The following ADCY9 variants were observed in gnomAD, a reference collection of about 807,000 sequenced individuals.
ADCY9 encodes the protein adenylate cyclase 9.
In ADCY9, 50 loss-of-function variants were observed where a neutral mutation model predicts 101.5. The observed-to-expected ratio is 0.49, with a 90% CI of 0.39 to 0.62. ADCY9 has a LOEUF of 0.62. Among genes scored for constraint, ADCY9 ranks in the 20% least tolerant of loss-of-function variants. The pLI is 0.00. For synonymous variants in ADCY9, 905 were observed against 769.3 expected (o/e 1.18, Z -2.92); for missense variants, 1,662 against 1,800.4 (o/e 0.92, Z 1.39).
chr16:3,958,884 C>T (rs1193862048), downstream of ADCY9, among the ~76,000 whole-genome samples: 1 of 151,668 alleles, frequency 6.6e-6, no homozygotes, highest in East Asian at 2.0e-4. Flanking sequence ...CCATGTTGGC[C>T]AGGCTAGTCT....
rs529878977 is a variant in ADCY9 at position 3,964,962 on chromosome 16, C to T, written c.*813G>A. 4 of 152,368 alleles carry T rather than the reference C, an allele frequency of 2.6e-5. No individual in the cohort carries two copies. The highest frequency in any genetic ancestry group is 6.5e-5 in the Admixed American group (1 of 15,308). The allele number at this position is 152,368 out of a possible 1,614,324, so 9.4% of individuals were successfully genotyped here. On this transcript the variant is annotated 3_prime_UTR_variant, in exon 11 of 11. Coordinates refer to ENST00000294016, the MANE Select transcript of ADCY9 (RefSeq NM_001116.4). ...CCGATGAGTCAGCTTCCAGGACCAA[C>T]ACCTCCACTCCCGATGGGGAGACCC...
intron 10 of ADCY9, among the ~76,000 whole-genome samples, chr16:3,972,217 G>T (rs1396111296): frequency 6.8e-6 from 1 of 147,428 alleles, no homozygotes; most frequent in African/African-American, 2.5e-5. Flanking sequence ...TCAAAAAGAA[G>T]AATTTCTTTT....
At chr16:3,995,861 T>C (rs1003735698) in intron 3 of ADCY9, among the ~76,000 whole-genome samples, 8 of 152,184 alleles carry the variant, frequency 5.3e-5, no homozygotes, top group Admixed American at 3.9e-4. Flanking sequence ...AACATTTGTA[T>C]GCATTCAAAA....
intron 8 of ADCY9, among the ~76,000 whole-genome samples, chr16:3,978,651 C>T (rs1272081984): frequency 2.6e-5 from 4 of 152,234 alleles, no homozygotes; most frequent in African/African-American, 7.2e-5. Context: ...AATGCTAAGT[C>T]GGCTTCTAAA....
intron 5 of ADCY9, among the ~76,000 whole-genome samples, chr16:3,989,300 A>T (rs2056224416): frequency 6.6e-6 from 1 of 152,076 alleles, no homozygotes; most frequent in Admixed American, 6.6e-5. Context: ...AAGCATAATC[A>T]TATTTTGTGT....
chr16:3,983,300 C>T lies in ADCY9; in HGVS notation c.2451G>A (p.Pro817=), dbSNP rs140249512. The change falls in exon 7 of 11, where the codon CCG becomes CCA. Residue 817 remains proline (P), a synonymous_variant. Coordinates refer to ENST00000294016, the MANE Select transcript of ADCY9 (RefSeq NM_001116.4). ...LKYEAATVPP[P]PAALAVFSAA... ...CACTGAAGACCGCCAGGGCGGCGGG[C>T]GGGGGAGGCACGGTGGCCGCCTCGT... The T allele has an allele frequency of 2.6e-5, 41 of 1,562,920 alleles. No homozygotes were observed. The highest frequency in any genetic ancestry group is 3.3e-4 in the Middle Eastern group (2 of 6,018).
At chr16:4,083,042 C>T (rs78717972) in intron 2 of ADCY9, among the ~76,000 whole-genome samples, 143 of 152,296 alleles carry the variant, frequency 9.4e-4, no homozygotes, top group African/African-American at 3.3e-3. Context: ...GTGGCAAAGA[C>T]AGCAGAGAGC....
At chr16:3,980,784 T>C (rs1230668837) in intron 7 of ADCY9, among the ~76,000 whole-genome samples, 2 of 152,100 alleles carry the variant, frequency 1.3e-5, no homozygotes, top group African/African-American at 4.8e-5. Context: ...ACAGAGGCCC[T>C]AGGAGGGGGG....
chr16:4,011,629 C>T (rs112185685), intron 2 of ADCY9, among the ~76,000 whole-genome samples: 5,828 of 152,318 alleles, frequency 0.038, 165 homozygotes, highest in Middle Eastern at 0.075. Flanking sequence ...CAGGTCCGCC[C>T]CCTAATCCCG....
intron 2 of ADCY9, among the ~76,000 whole-genome samples, chr16:4,015,347 C>A (rs746092840): frequency 2.6e-5 from 4 of 152,052 alleles, no homozygotes; most frequent in Non-Finnish European, 5.9e-5. Context: ...ACTTCAGAGA[C>A]CTTCGCCTCC....
intron 2 of ADCY9, among the ~76,000 whole-genome samples, chr16:4,077,293 G>C (rs898566606): frequency 6.6e-6 from 1 of 152,226 alleles, no homozygotes; most frequent in Middle Eastern, 3.4e-3. Flanking sequence ...CACTTCCTGT[G>C]ACATCTGGAG....
At chr16:3,972,065 A>C (rs1168609884) in intron 10 of ADCY9, among the ~76,000 whole-genome samples, 1 of 152,152 alleles carries the variant, frequency 6.6e-6, no homozygotes, top group African/African-American at 2.4e-5. Context: ...TCAGAAACCA[A>C]GGGGGCTGCC....
chr16:4,092,153 A>C (rs1437628989), intron 2 of ADCY9, among the ~76,000 whole-genome samples: 1 of 152,130 alleles, frequency 6.6e-6, no homozygotes, highest in Non-Finnish European at 1.5e-5. Context: ...GCCTGTAATC[A>C]CCGGTACTTG....
At position 4,115,418 on chromosome 16, in the gene ADCY9, G is replaced by A; in HGVS notation, c.25C>T (p.Leu9=). MASPPHQQ[L]LHHHSTEVSC... ...ACCTCGGTGCTGTGGTGATGCAGCA[G>A]CTGCTGGTGGGGTGGGGAAGCCATG... is the stretch of plus-strand genomic sequence containing the variant. Residue 9 remains leucine, a synonymous_variant, in exon 2 of 11, where the codon CTG becomes TTG. Transcript: ENST00000294016. This position sits in a 1 kb window ranked among gnomAD's most constrained non-coding sequence, Gnocchi z 6.2. 2 of 1,568,816 alleles carry A rather than the reference G, an allele frequency of 1.3e-6. No homozygotes were observed. Among genetic ancestry groups the A allele is most frequent in the Non-Finnish European group, 1.7e-6 (2 of 1,157,450 alleles).
chr16:4,003,787 C>G (rs2056348271), intron 3 of ADCY9, among the ~76,000 whole-genome samples: 1 of 152,022 alleles, frequency 6.6e-6, no homozygotes, highest in South Asian at 2.1e-4. Context: ...TCAAGTTGCG[C>G]CCCTGCCCGC....
chr16:4,097,528 C>CAT (rs1166805300), intron 2 of ADCY9, among the ~76,000 whole-genome samples: 667 of 64,458 alleles, frequency 0.01, 22 homozygotes, highest in Middle Eastern at 0.013. Flanking sequence ...TACATATGTA[C>CAT]ATATATATAT....
chr16:4,021,787 G>A (rs2056478871), intron 2 of ADCY9, among the ~76,000 whole-genome samples: 1 of 152,112 alleles, frequency 6.6e-6, no homozygotes, highest in African/African-American at 2.4e-5. Flanking sequence ...GGCTGAAGTG[G>A]CAGGTCCCAG....
At chr16:4,014,325 GAA>G (rs71394639) in intron 2 of ADCY9, among the ~76,000 whole-genome samples, 5 of 69,046 alleles carry the variant, frequency 7.2e-5, no homozygotes, top group African/African-American at 1.2e-4. Context: ...TCTCAAAAAA[GAA>G]AAAAAAAAAA....
At chr16:3,968,563 C>T (rs1295746309) in intron 10 of ADCY9, among the ~76,000 whole-genome samples, 3 of 152,118 alleles carry the variant, frequency 2.0e-5, no homozygotes, top group African/African-American at 7.2e-5. Context: ...TTCTTTTTGC[C>T]GAAATCACTC....
Sources: gnomAD v4.1 joint callset for allele counts (sites outside exome capture counted in the v4.1 genomes callset) on GRCh38, gnomAD v4.1.1 for gene constraint, Gnocchi (gnomAD v3.1) non-coding constraint, MANE v1.5 for transcripts, NCBI Gene and HGNC (gene_info 2026-07-23, HGNC 2026-07-21) for gene names.